The following PRKDC variants were observed in gnomAD, a reference collection of about 807,000 sequenced individuals.
The protein encoded by PRKDC is DNA-dependent protein kinase catalytic subunit.
In PRKDC, 82 loss-of-function variants were observed where a neutral mutation model predicts 486.9. The observed-to-expected ratio is 0.17, with a 90% CI of 0.14 to 0.20. The LOEUF (loss-of-function observed/expected upper bound fraction) is 0.20. PRKDC is among the 10% of genes least tolerant of loss of function. The probability of loss-of-function intolerance (pLI) is 1.00; values close to 1 mark genes in which losing one functional copy is unlikely to be tolerated. For synonymous variants in PRKDC, 1,895 were observed against 1,837.0 expected, an observed-to-expected ratio of 1.03 and a Z score of -0.81; for missense variants, 4,504 against 5,038.2, an observed-to-expected ratio of 0.89 and a Z score of 3.21.
chr8:47,776,734 G>T, intron 85 of PRKDC, 110 bp downstream of exon 85: 2 of 1,365,810 alleles, frequency 1.5e-6, no homozygotes, highest in Non-Finnish European at 2.0e-6. Context: ...AAGCAGAGAA[G>T]TCATGCTAAC....
At position 47,836,320 on chromosome 8, in the gene PRKDC, G is replaced by C. The variant is rs748798585; in HGVS notation, c.7951+18C>G. 1.3e-6 allele frequency: 2 copies of C among 1,538,546 alleles called. No homozygotes were observed. The highest frequency in any genetic ancestry group is 1.8e-6 in the Non-Finnish European group (2 of 1,139,952). On this transcript the variant is annotated intron_variant, in intron 58 of 85. Transcript: ENST00000314191. ...TCAGGGTGCTGTATACATGGCCAGC[G>C]GGCAGGGTCACTGTTACCTGCAGTC...
chr8:47,935,136 T>C, intron 13 of PRKDC, 78 bp from the exon 14 acceptor site: 1 of 1,051,468 alleles, frequency 9.5e-7, no homozygotes, highest in Non-Finnish European at 1.4e-6. Flanking sequence ...AAACAAACAG[T>C]CATTATATTT....
chr8:47,857,490 A>G (rs1472778810), intron 48 of PRKDC, among the ~76,000 whole-genome samples, 191 bp from the exon 49 acceptor site: 1 of 152,226 alleles, frequency 6.6e-6, no homozygotes, highest in Non-Finnish European at 1.5e-5. Context: ...CCTTATTAAA[A>G]GAGGAAATCA....
intron 68 of PRKDC, among the ~76,000 whole-genome samples, chr8:47,807,587 T>A (rs1589710405): frequency 6.7e-6 from 1 of 149,318 alleles, no homozygotes; most frequent in Middle Eastern, 3.7e-3. Flanking sequence ...CCCGGCTAAT[T>A]TTTTGTATTT....
At chr8:47,825,505 A>C (rs958995002) in intron 63 of PRKDC, among the ~76,000 whole-genome samples, 31 of 117,204 alleles carry the variant, frequency 2.6e-4, no homozygotes, top group Non-Finnish European at 5.0e-4. Flanking sequence ...AGACTGTCTC[A>C]AAAAAAAAAA....
intron 80 of PRKDC, among the ~76,000 whole-genome samples, chr8:47,780,649 A>G (rs748631037): frequency 6.6e-6 from 1 of 152,190 alleles, no homozygotes; most frequent in African/African-American, 2.4e-5. Flanking sequence ...CTTAGGTTAT[A>G]AAACTGTAGG....
intron 59 of PRKDC, 26 bp from the exon 60 acceptor site, chr8:47,831,952 A>C (rs1589727870): frequency 1.3e-6 from 2 of 1,587,416 alleles, no homozygotes; most frequent in East Asian, 2.3e-5. Flanking sequence ...AGGCCCAGTT[A>C]CTCCCCGCCG....
Position 47,882,102 on chromosome 8 carries a change from G to A in PRKDC, c.4777-5C>T, listed in dbSNP as rs373031020. ...GCCGTTCAAAACGGCACTCACCTGA[G>A]ACAATTTCGTTGTGAGTGAAGAAAA... On this transcript the variant is annotated splice_region_variant and splice_polypyrimidine_tract_variant and intron_variant, in intron 36 of 85. Coordinates refer to ENST00000314191, the MANE Select transcript of PRKDC (RefSeq NM_006904.7). 164 of 1,596,722 alleles carry A rather than the reference G, an allele frequency of 1.0e-4. 1 individual carries two copies. The highest frequency in any genetic ancestry group is 1.0e-3 in the South Asian group (88 of 87,306).
rs781556263 is a variant in PRKDC at position 47,836,538 on chromosome 8, G to GAAAGTTTCAAATGAAAT, written c.7762-28_7762-12dup. 5.1e-6 allele frequency: 8 copies of GAAAGTTTCAAATGAAAT among 1,569,342 alleles called. No individual in the cohort carries two copies. The highest frequency in any genetic ancestry group is 2.7e-5 in the African/African-American group (2 of 73,846). On this transcript the variant is annotated splice_polypyrimidine_tract_variant and intron_variant, in intron 57 of 85. Transcript: ENST00000314191. ...ATCAATGGTATATTCCTGTACATAAGAAAGTTTCAAATGAAATAAAGTTTC... is the reference window on the plus strand; with the variant it reads ...ATCAATGGTATATTCCTGTACATAAGAAAGTTTCAAATGAAATAAAGTTTCAAATGAAATAAAGTTTC...
At position 47,960,121 on chromosome 8, in the gene PRKDC, C is replaced by G. The variant is rs1389165598; in HGVS notation, c.6G>C (p.Ala2=). The G allele has an allele frequency of 1.3e-6, 2 of 1,498,458 alleles. No homozygotes were observed. Among genetic ancestry groups the G allele is most frequent in the Non-Finnish European group, 1.8e-6 (2 of 1,127,196 alleles). 92.8% of individuals were successfully genotyped at this position (1,498,458 alleles called of 1,614,324 possible). A position where few individuals can be genotyped will look rare whatever the true frequency, so the allele number is the denominator to read the frequency against. The change falls in exon 1 of 86, where the codon GCG becomes GCC. Residue 2 remains alanine (A), a synonymous_variant. Coordinates refer to ENST00000314191, the MANE Select transcript of PRKDC (RefSeq NM_006904.7). ...AGCAACGCACACCGGCTCCGGAGCC[C>G]GCCATGCCGCCGAGTCCCGCTCCCG... The part of the protein sequence containing the change: M[A]GSGAGVRCSL...
At chr8:47,799,532 TC>T in intron 71 of PRKDC, 142 bp from the exon 72 acceptor site, 1 of 860,466 alleles carries the variant, frequency 1.2e-6, no homozygotes, top group Non-Finnish European at 1.7e-6. Context: ...AAAACAAGAG[TC>T]CACCCTGGCT....
chr8:47,930,063 T>A (rs1181845953), intron 17 of PRKDC, 51 bp from the exon 18 acceptor site: 1 of 1,510,878 alleles, frequency 6.6e-7, no homozygotes, highest in African/African-American at 1.4e-5. Flanking sequence ...CATTCTGATC[T>A]TAAAATTGTA....
Position 47,915,661 on chromosome 8 carries a change from T to G in PRKDC, c.2527-243A>C, listed in dbSNP as rs559009764. ...AATTGAAACACAGAAACTATGTAAA[T>G]AGTTAAACTACTAAACCCATTACAT... On this transcript the variant is annotated intron_variant, in intron 22 of 85. Coordinates refer to ENST00000314191, the MANE Select transcript of PRKDC (RefSeq NM_006904.7). Among the ~76,000 whole-genome samples, 10 of 152,338 alleles carry G rather than the reference T, an allele frequency of 6.6e-5. No individual in the cohort carries two copies. In the East Asian group the frequency reaches 1.9e-3, roughly 29 times the overall value.
intron 25 of PRKDC, among the ~76,000 whole-genome samples, chr8:47,909,822 T>C (rs758488922): frequency 3.9e-5 from 6 of 152,174 alleles, no homozygotes; most frequent in Non-Finnish European, 7.3e-5. Flanking sequence ...CTTACCAGGA[T>C]TGGGAAATTC....
In PRKDC at chr8:47,777,668, A is replaced by T; in HGVS notation, c.12042+18T>A. On this transcript the variant is annotated intron_variant, in intron 84 of 85. Transcript: ENST00000314191. ...ACACTGTCACAAAAGTGAAAAGTGC[A>T]CATGAAACAAAACCTACTTTCCAAT... The T allele has an allele frequency of 1.3e-6, 2 of 1,563,392 alleles. No homozygotes were observed. The highest frequency in any genetic ancestry group is 1.7e-6 in the Non-Finnish European group (2 of 1,151,138).
At chr8:47,882,240 G>C in intron 36 of PRKDC, 143 bp from the exon 37 acceptor site, 2 of 804,358 alleles carry the variant, frequency 2.5e-6, no homozygotes, top group South Asian at 2.0e-5. Context: ...AAAACTCCTC[G>C]AGTTTGATTT....
chr8:47,837,179 T>C, intron 57 of PRKDC, 33 bp downstream of exon 57: 2 of 1,563,162 alleles, frequency 1.3e-6, no homozygotes, highest in Non-Finnish European at 1.8e-6. Context: ...AAGCCTATAA[T>C]ATTCACTACT....
In PRKDC at chr8:47,834,186, C is replaced by A. The variant is rs1346453317; in HGVS notation, c.8152+10G>T. On this transcript the variant is annotated intron_variant, in intron 59 of 85. Coordinates refer to ENST00000314191, the MANE Select transcript of PRKDC (RefSeq NM_006904.7). ...AAGCTATTTTAAGCACACTCAGCAA[C>A]CCAGCTTACCTTTCACTTTGTTATC... is the stretch of plus-strand genomic sequence containing the variant. The A allele has an allele frequency of 1.2e-6, 2 of 1,614,022 alleles. No homozygotes were observed. The highest frequency in any genetic ancestry group is 1.1e-5 in the South Asian group (1 of 91,082).
chr8:47,928,156 T>TC (rs2090185195), intron 19 of PRKDC, among the ~76,000 whole-genome samples: 1 of 146,836 alleles, frequency 6.8e-6, no homozygotes, highest in East Asian at 2.0e-4. Flanking sequence ...TTGAGGGACT[T>TC]TTTTTTTTTT....
Sources: gnomAD v4.1 joint callset for allele counts (sites outside exome capture counted in the v4.1 genomes callset) on GRCh38, gnomAD v4.1.1 for gene constraint, MANE v1.5 for transcripts, NCBI Gene and HGNC (gene_info 2026-07-23, HGNC 2026-07-21) for gene names.